Variants in RBM27 observed in about 807,000 individuals in gnomAD.
RBM27 encodes RNA binding motif protein 27, also known as RNA-binding protein 27.
Under a neutral mutation model 135.3 loss-of-function variants are expected in RBM27, and 22 were observed. The observed-to-expected ratio is 0.16, with a 90% CI of 0.12 to 0.23. The LOEUF is 0.23. Ranked by LOEUF, RBM27 falls within the 10% of genes least tolerant of loss-of-function variation. The pLI, the probability that RBM27 is intolerant of heterozygous loss-of-function variation, is 1.00. For synonymous variants in RBM27, 481 were observed against 442.4 expected (o/e 1.09, Z -1.10); for missense variants, 1,009 against 1,281.0 (o/e 0.79, Z 3.24).
Position 146,287,703 on chromosome 5 carries a change from T to C in RBM27, c.*1673T>C, listed in dbSNP as rs1759639047. ...TCTTCTACATGTTTTCCTGGAATGA[T>C]GTGTCAAACCAGGGTCATTTTTAAG... On this transcript the variant is annotated 3_prime_UTR_variant, in exon 21 of 21. Coordinates refer to ENST00000265271, the MANE Select transcript of RBM27 (RefSeq NM_018989.2). 1 of 152,194 alleles carries C rather than the reference T, an allele frequency of 6.6e-6. No homozygotes were observed. Among genetic ancestry groups the C allele is most frequent in the South Asian group, 2.1e-4 (1 of 4,836 alleles). 9.4% of individuals were successfully genotyped at this position (152,194 alleles called of 1,614,324 possible).
At chr5:146,252,912 G>A (rs1027681697) in intron 9 of RBM27, among the ~76,000 whole-genome samples, 3 of 152,090 alleles carry the variant, frequency 2.0e-5, no homozygotes, top group Non-Finnish European at 2.9e-5. Context: ...TAAGTATGAA[G>A]CCCCCAAAAT....
At chr5:146,243,754 T>C (rs906991962) in intron 8 of RBM27, among the ~76,000 whole-genome samples, 1 of 152,184 alleles carries the variant, frequency 6.6e-6, no homozygotes, top group African/African-American at 2.4e-5. Flanking sequence ...TCATTAAAAT[T>C]AATATTAAAA....
chr5:146,268,675 C>A (rs1315688772), intron 15 of RBM27, among the ~76,000 whole-genome samples: 1 of 152,106 alleles, frequency 6.6e-6, no homozygotes, highest in African/African-American at 2.4e-5. Context: ...CTTGATGTCC[C>A]AGGCTCAAAT....
intron 8 of RBM27, among the ~76,000 whole-genome samples, chr5:146,242,356 T>TA (rs1441441098): frequency 6.6e-6 from 1 of 152,252 alleles, no homozygotes; most frequent in African/African-American, 2.4e-5. Context: ...AGGATTGTCT[T>TA]ATATGCTGCA....
chr5:146,261,003 C>T (rs1312181311), intron 12 of RBM27, 105 bp downstream of exon 12: 1 of 1,142,484 alleles, frequency 8.8e-7, no homozygotes, highest in African/African-American at 1.6e-5. Context: ...TTCTGATCAT[C>T]TCTGCTAAGT....
intron 3 of RBM27, 36 bp from the exon 4 acceptor site, chr5:146,228,910 G>T: frequency 6.4e-7 from 1 of 1,572,030 alleles, no homozygotes; most frequent in Non-Finnish European, 8.7e-7. Context: ...ACCGTGCCTG[G>T]CCCTGCTCTT....
At position 146,223,394 on chromosome 5, in the gene RBM27, TCTC is replaced by T. The variant is rs1756539377; in HGVS notation, c.179-6_179-4del. On this transcript the variant is annotated splice_region_variant and splice_polypyrimidine_tract_variant and intron_variant, in intron 2 of 20. Transcript: ENST00000265271. ...TGCGCAATATGTAAATGTTATTTCT[TCTC>T]CTTAGAAACTTCAGGTTTTGTGGAC... The T allele has an allele frequency of 3.8e-6, 6 of 1,573,852 alleles. No homozygotes were observed. Among genetic ancestry groups the T allele is most frequent in the Non-Finnish European group, 5.1e-6 (6 of 1,168,502 alleles).
chr5:146,268,658 G>C (rs530039467), intron 15 of RBM27, among the ~76,000 whole-genome samples: 14 of 152,076 alleles, frequency 9.2e-5, no homozygotes, highest in Non-Finnish European at 1.8e-4. Flanking sequence ...TCATGGCCCA[G>C]TGCAGCCTTG....
chr5:146,287,515 T>C lies in RBM27; in HGVS notation c.*1485T>C, dbSNP rs549094321. 1.3e-5 allele frequency: 2 copies of C among 152,248 alleles called. No homozygotes were observed. Among genetic ancestry groups the C allele is most frequent in the South Asian group, 4.1e-4 (2 of 4,824 alleles). 9.4% of individuals were successfully genotyped at this position (152,248 alleles called of 1,614,324 possible). A position where few individuals can be genotyped will look rare whatever the true frequency, so the allele number is the denominator to read the frequency against. ...TGGTATGAAAATTTGAAACCTCCTG[T>C]TGTCTCCAAAAGGGTCTTGGTGACC... On this transcript the variant is annotated 3_prime_UTR_variant, in exon 21 of 21. Transcript: ENST00000265271.
chr5:146,261,005 C>T lies in RBM27; in HGVS notation c.1893+107C>T. On this transcript the variant is annotated intron_variant, in intron 12 of 20. Coordinates refer to ENST00000265271, the MANE Select transcript of RBM27 (RefSeq NM_018989.2). ...GAGTCAGTGGTTATTCTGATCATCTCTGCTAAGTGCTGTAAATGCCACCAT... is the reference window on the plus strand; with the variant it reads ...GAGTCAGTGGTTATTCTGATCATCTTTGCTAAGTGCTGTAAATGCCACCAT... 2.8e-6 allele frequency: 3 copies of T among 1,089,508 alleles called. No homozygotes were observed. In the South Asian group the frequency reaches 4.8e-5, roughly 18 times the overall value. The allele number at this position is 1,089,508 out of a possible 1,614,324, so 67.5% of individuals were successfully genotyped here.
intron 8 of RBM27, among the ~76,000 whole-genome samples, chr5:146,248,085 C>T (rs1336634998): frequency 6.6e-6 from 1 of 151,768 alleles, no homozygotes; most frequent in Non-Finnish European, 1.5e-5. Flanking sequence ...CTAGTTTTTT[C>T]CAAAGGGAAC....
chr5:146,215,895 T>G (rs1378184738), intron 1 of RBM27, among the ~76,000 whole-genome samples: 1 of 151,842 alleles, frequency 6.6e-6, no homozygotes, highest in Non-Finnish European at 1.5e-5. Context: ...GGATTACAGG[T>G]GCACACCACC....
At position 146,237,018 on chromosome 5, in the gene RBM27, A is replaced by G. The variant is rs556836422; in HGVS notation, c.1145-280A>G. Among the ~76,000 whole-genome samples, 3 of 140,968 alleles carry G rather than the reference A, an allele frequency of 2.1e-5. No homozygotes were observed. In the South Asian group the frequency reaches 6.7e-4, roughly 31 times the overall value. 92.5% of individuals were successfully genotyped at this position (140,968 alleles called of 152,430 possible). On this transcript the variant is annotated intron_variant, in intron 7 of 20. Coordinates refer to ENST00000265271, the MANE Select transcript of RBM27 (RefSeq NM_018989.2). ...CAATGGTGCGATCTCGGCTCACCGC[A>G]ACCTCCGCGTCCCAGGTTCAAGCGA...
Position 146,246,512 on chromosome 5 carries a change from G to A in RBM27, c.1280-5199G>A, listed in dbSNP as rs577300505. Among the ~76,000 whole-genome samples, 11 of 152,260 alleles carry A rather than the reference G, an allele frequency of 7.2e-5. No homozygotes were observed. The East Asian group carries it at 2.1e-3, about 29-fold the overall frequency. On this transcript the variant is annotated intron_variant, in intron 8 of 20. Transcript: ENST00000265271. ...CACCATTACTGTAACCTATTTGATA[G>A]TGAACATTTTTTAATGTAGCTGGGC... is the stretch of plus-strand genomic sequence containing the variant.
Position 146,269,590 on chromosome 5 carries a change from T to C in RBM27, c.2691+6T>C, listed in dbSNP as rs751542203. The C allele has an allele frequency of 5.3e-6, 8 of 1,518,910 alleles. No homozygotes were observed. In the South Asian group the frequency reaches 8.1e-5, roughly 15 times the overall value. The allele number at this position is 1,518,910 out of a possible 1,614,324, so 94.1% of individuals were successfully genotyped here. A position where few individuals can be genotyped will look rare whatever the true frequency, so the allele number is the denominator to read the frequency against. ...AAGTGAAGACAAAAACGGAGGTATC[T>C]ATTTGCATTTTTTATTTAACATAGG... On this transcript the variant is annotated splice_donor_region_variant and intron_variant, in intron 17 of 20. Coordinates refer to ENST00000265271, the MANE Select transcript of RBM27 (RefSeq NM_018989.2).
At chr5:146,229,075 T>A (rs1270164569) in intron 4 of RBM27, 38 bp downstream of exon 4, 1 of 1,550,406 alleles carries the variant, frequency 6.4e-7, no homozygotes, top group East Asian at 2.3e-5. Context: ...CATTGATAAC[T>A]CACTTTTTAG....
intron 14 of RBM27, 41 bp downstream of exon 14, chr5:146,263,672 C>G: frequency 2.5e-6 from 4 of 1,599,564 alleles, no homozygotes; most frequent in Non-Finnish European, 3.4e-6. Flanking sequence ...TAGAATCATT[C>G]AGTGAATTAA....
At chr5:146,226,084 T>A (rs1246182509) in intron 3 of RBM27, among the ~76,000 whole-genome samples, 8 of 150,434 alleles carry the variant, frequency 5.3e-5, no homozygotes, top group Non-Finnish European at 7.4e-5. Context: ...GCCAGGCTGG[T>A]CTTAAACTCC....
intron 19 of RBM27, among the ~76,000 whole-genome samples, chr5:146,273,501 C>CT (rs1158252789): frequency 1.3e-4 from 19 of 151,446 alleles, no homozygotes; most frequent in East Asian, 3.9e-4. Context: ...TTGGATGGCT[C>CT]TTTTTTTTTC....
Sources: allele counts gnomAD v4.1 joint callset (sites outside exome capture counted in the v4.1 genomes callset), GRCh38; gene constraint gnomAD v4.1.1; transcripts MANE v1.5; gene names NCBI Gene and HGNC (gene_info 2026-07-23, HGNC 2026-07-21).